The following SLC25A21 variants were observed in gnomAD, a reference collection of about 807,000 sequenced individuals.
SLC25A21 encodes the protein mitochondrial 2-oxodicarboxylate carrier.
Under a neutral mutation model 43.8 loss-of-function variants are expected in SLC25A21, and 47 were observed. That is an observed-to-expected ratio of 1.07 (90% CI 0.85 to 1.37). The LOEUF (loss-of-function observed/expected upper bound fraction) is 1.37, where lower values mean the gene tolerates loss of function less well. SLC25A21 is among the 40% of genes most tolerant of loss of function. The pLI is 0.00. For missense variants in SLC25A21, 352 were observed against 350.2 expected, an observed-to-expected ratio of 1.00 and a Z score of -0.04; for synonymous variants, 131 against 121.3, an observed-to-expected ratio of 1.08 and a Z score of -0.52.
At chr14:36,900,559 C>G (rs1456675743) in intron 1 of SLC25A21, among the ~76,000 whole-genome samples, 1 of 152,172 alleles carries the variant, frequency 6.6e-6, no homozygotes, top group Non-Finnish European at 1.5e-5. Context: ...CTGGGATTAA[C>G]TAATTGCACT....
At position 37,144,924 on chromosome 14, in the gene SLC25A21, GGTTGTTGTT is replaced by G. The variant is rs35217998; in HGVS notation, c.70+27348_70+27356del. On this transcript the variant is annotated intron_variant, in intron 1 of 9. Coordinates refer to ENST00000331299, the MANE Select transcript of SLC25A21 (RefSeq NM_030631.4). ...CTGTGATTACACGCCCAGCCTGGGT[GGTTGTTGTT>G]GTTGTTGTTGTTGTTGTTGTTGTTT... Among the ~76,000 whole-genome samples, 313 of 150,452 alleles carry G rather than the reference GGTTGTTGTT, an allele frequency of 2.1e-3. 1 individual carries two copies. Among genetic ancestry groups the G allele is most frequent in the African/African-American group, 7.5e-3 (304 of 40,456 alleles).
At chr14:37,101,951 T>C (rs1435993437) in intron 1 of SLC25A21, among the ~76,000 whole-genome samples, 8 of 152,168 alleles carry the variant, frequency 5.3e-5, no homozygotes, top group Admixed American at 5.2e-4. Flanking sequence ...AGTTTCCTCA[T>C]CTGTAAGATG....
chr14:37,081,378 G>A (rs1962384722), intron 1 of SLC25A21, among the ~76,000 whole-genome samples: 1 of 152,188 alleles, frequency 6.6e-6, no homozygotes, highest in South Asian at 2.1e-4. Context: ...TGTGGCAAAG[G>A]TGAGTCTCAA....
intron 7 of SLC25A21, among the ~76,000 whole-genome samples, chr14:36,709,891 G>A (rs772393799): frequency 8.5e-5 from 13 of 152,054 alleles, no homozygotes; most frequent in East Asian, 3.9e-4. Flanking sequence ...CTGCCTGCTC[G>A]TGAAAAATGT....
chr14:37,160,792 T>G (rs1488758968), intron 1 of SLC25A21, among the ~76,000 whole-genome samples: 2 of 151,684 alleles, frequency 1.3e-5, no homozygotes, highest in Non-Finnish European at 2.9e-5. Flanking sequence ...TAGCTGGGCC[T>G]GGTAGCATGT....
intron 1 of SLC25A21, among the ~76,000 whole-genome samples, chr14:37,026,647 A>T (rs1961099068): frequency 6.6e-6 from 1 of 152,144 alleles, no homozygotes; most frequent in Admixed American, 6.6e-5. Flanking sequence ...CGAATTAAAC[A>T]TTTCTTTTCT....
chr14:36,798,330 G>T lies in SLC25A21; in HGVS notation c.203+15588C>A, dbSNP rs1286361381. Reference sequence around the variant, plus strand: ...GAAAGTCCCTTCATAGTTTTGGTGGGTTTTTTCCTGTAATTGAGAATGGTT... The same window carrying T: ...GAAAGTCCCTTCATAGTTTTGGTGGTTTTTTTCCTGTAATTGAGAATGGTT... On this transcript the variant is annotated intron_variant, in intron 3 of 9. Transcript: ENST00000331299. Among the ~76,000 whole-genome samples the T allele has an allele frequency of 2.0e-5, 3 of 152,218 alleles. No individual in the cohort carries two copies. The South Asian group carries it at 6.2e-4, about 32-fold the overall frequency.
At chr14:36,849,437 T>C (rs921610335) in intron 2 of SLC25A21, among the ~76,000 whole-genome samples, 3 of 152,234 alleles carry the variant, frequency 2.0e-5, no homozygotes, top group Non-Finnish European at 2.9e-5. Context: ...TATATATTTA[T>C]GTTTCATAAT....
At chr14:36,711,521 G>C (rs1883870565) in intron 6 of SLC25A21, 39 bp from the exon 7 acceptor site, 1 of 1,598,058 alleles carries the variant, frequency 6.3e-7, no homozygotes. Context: ...GATCATCTTT[G>C]GGACTGTGGA....
At chr14:36,963,943 A>C (rs1304683312) in intron 1 of SLC25A21, among the ~76,000 whole-genome samples, 1 of 152,044 alleles carries the variant, frequency 6.6e-6, no homozygotes, top group Non-Finnish European at 1.5e-5. Context: ...TCTCCCTTGA[A>C]ACCTTTTTTT....
chr14:36,725,011 GAATAAAC>G (rs1049886469), intron 6 of SLC25A21: 5 of 152,136 alleles, frequency 3.3e-5, no homozygotes, highest in Non-Finnish European at 7.3e-5. Context: ...AATAAAAAAT[GAATAAAC>G]AATAAACAAG....
rs553020437 is a variant in SLC25A21, at chr14:37,010,218, A to G, written c.71-135214T>C. Among the ~76,000 whole-genome samples, 132 of 152,218 alleles carry G rather than the reference A, an allele frequency of 8.7e-4. 1 individual carries two copies. Among genetic ancestry groups the G allele is most frequent in the Non-Finnish European group, 1.4e-3 (92 of 68,038 alleles). ...AGACACTCAATAAACATTTCACACAACCAACTTTCCTACACTAAACTTGTG... is the reference window on the plus strand; with the variant it reads ...AGACACTCAATAAACATTTCACACAGCCAACTTTCCTACACTAAACTTGTG... On this transcript the variant is annotated intron_variant, in intron 1 of 9. Transcript: ENST00000331299.
At chr14:37,142,482 T>A (rs1478683767) in intron 1 of SLC25A21, among the ~76,000 whole-genome samples, 3 of 152,146 alleles carry the variant, frequency 2.0e-5, no homozygotes. Context: ...TACCTCAGCC[T>A]CTCAAGTAGC....
chr14:36,931,207 T>C (rs562217739), intron 1 of SLC25A21, among the ~76,000 whole-genome samples: 21 of 152,270 alleles, frequency 1.4e-4, no homozygotes, highest in African/African-American at 4.1e-4. Flanking sequence ...AATATTTGCA[T>C]TGATGTGATG....
Position 36,680,273 on chromosome 14 carries a change from A to ATAGTT in SLC25A21, c.*380_*384dup, listed in dbSNP as rs1302707907. The ATAGTT allele has an allele frequency of 8.3e-6, 8 of 964,318 alleles. No individual in the cohort carries two copies. Among genetic ancestry groups the ATAGTT allele is most frequent in the Admixed American group, 6.4e-5 (1 of 15,530 alleles). 59.7% of individuals were successfully genotyped at this position (964,318 alleles called of 1,614,324 possible). On this transcript the variant is annotated 3_prime_UTR_variant, in exon 10 of 10. Transcript: ENST00000331299. Reference sequence around the variant, plus strand: ...CTTTGAATAATTTGATTTATTTTCAATAGTTTAAGCATTTCTAGACCTCTT... The same window carrying ATAGTT: ...CTTTGAATAATTTGATTTATTTTCAATAGTTTAGTTTAAGCATTTCTAGACCTCTT...
At chr14:36,934,667 T>C (rs76387114) in intron 1 of SLC25A21, among the ~76,000 whole-genome samples, 11,529 of 151,960 alleles carry the variant, frequency 0.076, 681 homozygotes, top group East Asian at 0.23. Context: ...TAAAATATAG[T>C]TGTTAAAATT....
chr14:37,097,144 A>G (rs1484206244), intron 1 of SLC25A21: 1 of 151,284 alleles, frequency 6.6e-6, no homozygotes, highest in Non-Finnish European at 1.5e-5. Context: ...TCTGTTGCCC[A>G]GGCTGGAGCG....
At chr14:37,019,130 A>G (rs921834523) in intron 1 of SLC25A21, among the ~76,000 whole-genome samples, 2 of 151,908 alleles carry the variant, frequency 1.3e-5, no homozygotes, top group Non-Finnish European at 2.9e-5. Context: ...AGAGCCTTCA[A>G]TGGTCAATGA....
chr14:36,916,422 C>A (rs1182755939), intron 1 of SLC25A21, among the ~76,000 whole-genome samples: 1 of 152,126 alleles, frequency 6.6e-6, no homozygotes, highest in Admixed American at 6.6e-5. Context: ...TAGTTCAAAG[C>A]TATCCATACT....
Sources: allele counts gnomAD v4.1 joint callset (sites outside exome capture counted in the v4.1 genomes callset), GRCh38; gene constraint gnomAD v4.1.1; transcripts MANE v1.5; gene names NCBI Gene and HGNC (gene_info 2026-07-23, HGNC 2026-07-21).